ANKS1A: variants seen among roughly 807,000 people sequenced by gnomAD.
ANKS1A encodes the protein ankyrin repeat and SAM domain-containing protein 1A.
Under a neutral mutation model 120.3 loss-of-function variants are expected in ANKS1A, and 55 were observed. That is an observed-to-expected ratio of 0.46 (90% CI 0.37 to 0.57). The LOEUF (loss-of-function observed/expected upper bound fraction) is 0.57. Among genes scored for constraint, ANKS1A ranks in the 20% least tolerant of loss-of-function variants. The pLI, the probability that ANKS1A is intolerant of heterozygous loss-of-function variation, is 0.00. For synonymous variants in ANKS1A, 590 were observed against 604.7 expected (o/e 0.98, Z 0.36); for missense variants, 1,123 against 1,480.3 (o/e 0.76, Z 3.96).
At chr6:35,038,741 C>T (rs1404961113) in intron 11 of ANKS1A, among the ~76,000 whole-genome samples, 2 of 152,150 alleles carry the variant, frequency 1.3e-5, no homozygotes, top group Non-Finnish European at 2.9e-5. Flanking sequence ...CTGCCTCAGC[C>T]TCCCAAAGCA....
At chr6:35,014,723 T>C (rs1006160059) in intron 10 of ANKS1A, among the ~76,000 whole-genome samples, 5 of 152,224 alleles carry the variant, frequency 3.3e-5, no homozygotes, top group African/African-American at 9.6e-5. Context: ...TGGAAGTTGA[T>C]ACAAAGCAGT....
At chr6:34,973,860 CCTCCCCTT>C (rs1771313769) in intron 3 of ANKS1A, among the ~76,000 whole-genome samples, 2 of 88,226 alleles carry the variant, frequency 2.3e-5, no homozygotes, top group Non-Finnish European at 4.3e-5. Flanking sequence ...TTCCCCTTGC[CCTCCCCTT>C]CCCTTCCCCT....
chr6:35,030,065 A>G (rs913783093), intron 11 of ANKS1A, among the ~76,000 whole-genome samples: 1 of 152,152 alleles, frequency 6.6e-6, no homozygotes, highest in Non-Finnish European at 1.5e-5. Flanking sequence ...TGACTTGCCT[A>G]CGGTCTTAGG....
intron 3 of ANKS1A, among the ~76,000 whole-genome samples, chr6:34,977,751 A>G (rs766549002): frequency 1.3e-5 from 2 of 151,942 alleles, no homozygotes; most frequent in African/African-American, 2.4e-5. Flanking sequence ...TGTCCTTTCA[A>G]TCTCAGACCT....
intron 1 of ANKS1A, among the ~76,000 whole-genome samples, chr6:34,945,979 A>ATTTTT (rs1561863671): frequency 1.4e-5 from 2 of 138,938 alleles, no homozygotes; most frequent in Non-Finnish European, 1.6e-5. Context: ...TTTTATTTTT[A>ATTTTT]TTTATTTTTT....
At chr6:34,897,348 C>T (rs568297631) in intron 1 of ANKS1A, among the ~76,000 whole-genome samples, 12 of 152,016 alleles carry the variant, frequency 7.9e-5, no homozygotes, top group Non-Finnish European at 1.3e-4. Flanking sequence ...GTTCTTTTTC[C>T]CACATTGGAT....
rs183358811 is a variant in ANKS1A, at chr6:34,918,975, C to T, written c.197+29376C>T. 3.0e-3 allele frequency among the ~76,000 whole-genome samples: 450 copies of T among 152,284 alleles called. 1 individual carries two copies. The highest frequency in any genetic ancestry group is 9.1e-3 in the African/African-American group (379 of 41,554). On this transcript the variant is annotated intron_variant, in intron 1 of 23. Transcript: ENST00000360359. ...CAAGCGATTCTCCCACCTCAGCCTC[C>T]CAAGTAGCTGGGATTACAGGCGCCT...
At chr6:35,011,315 G>T (rs997549319) in intron 10 of ANKS1A, among the ~76,000 whole-genome samples, 2 of 152,208 alleles carry the variant, frequency 1.3e-5, no homozygotes, top group Non-Finnish European at 2.9e-5. Context: ...ACTGGCAGAA[G>T]ATCAAGGGGA....
At chr6:35,049,817 C>G (rs1256038816) in intron 11 of ANKS1A, among the ~76,000 whole-genome samples, 1 of 152,208 alleles carries the variant, frequency 6.6e-6, no homozygotes, top group Non-Finnish European at 1.5e-5. Flanking sequence ...ATATTTGGCC[C>G]CATGTCGTAG....
At chr6:35,053,362 G>T (rs998083816) in intron 11 of ANKS1A, among the ~76,000 whole-genome samples, 4 of 152,228 alleles carry the variant, frequency 2.6e-5, no homozygotes, top group African/African-American at 9.6e-5. Context: ...GGGACAGGTG[G>T]TCCATACTGG....
At chr6:35,083,721 C>G (rs1777810494) in intron 20 of ANKS1A, among the ~76,000 whole-genome samples, 2 of 152,166 alleles carry the variant, frequency 1.3e-5, no homozygotes, top group South Asian at 4.1e-4. Flanking sequence ...GTGATCACTG[C>G]TGTTAGCCTC....
At chr6:34,981,537 G>T (rs1418643009) in intron 3 of ANKS1A, among the ~76,000 whole-genome samples, 153 bp from the exon 4 acceptor site, 3 of 152,288 alleles carry the variant, frequency 2.0e-5, no homozygotes, top group East Asian at 1.9e-4. Context: ...GCTTGTTTGT[G>T]GGGGAGTATG....
intron 15 of ANKS1A, 60 bp from the exon 16 acceptor site, chr6:35,079,761 G>GA (rs1296899240): frequency 7.2e-5 from 116 of 1,609,172 alleles, no homozygotes; most frequent in Non-Finnish European, 9.3e-5. Context: ...CTGGGGGCTG[G>GA]AGCGGACTGT....
intron 1 of ANKS1A, among the ~76,000 whole-genome samples, chr6:34,927,647 C>T (rs570843952): frequency 1.3e-5 from 2 of 152,298 alleles, no homozygotes; most frequent in East Asian, 3.9e-4. Flanking sequence ...GACTAAGTGA[C>T]AGCCTTGGGC....
intron 13 of ANKS1A, among the ~76,000 whole-genome samples, chr6:35,067,071 A>C (rs1320590935): frequency 6.6e-6 from 1 of 152,166 alleles, no homozygotes. Context: ...TGCTTTGCAT[A>C]GTAGCTGGTA....
At chr6:34,967,470 A>C in intron 2 of ANKS1A, 151 bp downstream of exon 2, 18 of 552,436 alleles carry the variant, frequency 3.3e-5, no homozygotes, top group Non-Finnish European at 4.9e-5. Flanking sequence ...GGAGGATCAC[A>C]TGAAGCTGAG....
intron 7 of ANKS1A, among the ~76,000 whole-genome samples, chr6:34,983,950 C>T (rs1227325690): frequency 1.3e-5 from 2 of 152,022 alleles, no homozygotes; most frequent in Non-Finnish European, 2.9e-5. Flanking sequence ...TCCCACTATG[C>T]CCAGCTAATT....
chr6:35,052,434 G>GAGCA (rs1776013115), intron 11 of ANKS1A, among the ~76,000 whole-genome samples: 3 of 151,660 alleles, frequency 2.0e-5, no homozygotes, highest in Admixed American at 2.0e-4. Flanking sequence ...CTGGGCAACA[G>GAGCA]AGCAAGACCC....
intron 10 of ANKS1A, among the ~76,000 whole-genome samples, chr6:35,004,988 C>T (rs933223101): frequency 3.3e-5 from 5 of 152,196 alleles, no homozygotes; most frequent in Non-Finnish European, 7.4e-5. Context: ...AGCACAGATA[C>T]AATTTTATCT....
Sources: gnomAD v4.1 joint callset for allele counts (sites outside exome capture counted in the v4.1 genomes callset) on GRCh38, gnomAD v4.1.1 for gene constraint, MANE v1.5 for transcripts, NCBI Gene and HGNC (gene_info 2026-07-23, HGNC 2026-07-21) for gene names.